The following EBPL variants were observed in gnomAD, a reference collection of about 807,000 sequenced individuals.
EBPL encodes the protein emopamil-binding protein-like.
A neutral mutation model predicts 19.0 loss-of-function variants in EBPL; 20 were observed. The observed-to-expected ratio is 1.05, with a 90% CI of 0.74 to 1.53. EBPL has a LOEUF of 1.53. EBPL is among the 40% of genes most tolerant of loss of function. The pLI, the probability that EBPL is intolerant of heterozygous loss-of-function variation, is 0.00. For missense variants in EBPL, 219 were observed against 261.1 expected (o/e 0.84, Z 1.11); for synonymous variants, 107 against 117.0 (o/e 0.91, Z 0.55).
chr13:49,665,981 G>T (rs183331024), intron 2 of EBPL, among the ~76,000 whole-genome samples: 5 of 152,342 alleles, frequency 3.3e-5, no homozygotes, highest in Middle Eastern at 3.4e-3. Flanking sequence ...GAGGGCTATG[G>T]TGATGGCTGA....
chr13:49,678,701 C>T (rs1218303264), intron 1 of EBPL, among the ~76,000 whole-genome samples: 4 of 152,054 alleles, frequency 2.6e-5, no homozygotes, highest in Non-Finnish European at 5.9e-5. Flanking sequence ...CCGCTCTGGC[C>T]GCGGCCAGCC....
At chr13:49,671,650 G>A (rs1953817689) in intron 1 of EBPL, among the ~76,000 whole-genome samples, 1 of 152,140 alleles carries the variant, frequency 6.6e-6, no homozygotes, top group Non-Finnish European at 1.5e-5. Context: ...CCACTGGGCT[G>A]GCCAGTGGGG....
rs1282013728 is a variant in EBPL, at chr13:49,668,035, G to C, written c.241+1742C>G. 2.0e-5 allele frequency: 3 copies of C among 152,450 alleles called. No homozygotes were observed. The East Asian group carries it at 5.8e-4, about 29-fold the overall frequency. The allele number at this position is 152,450 out of a possible 1,614,324, so 9.4% of individuals were successfully genotyped here. ...GGGCTTCACCAGCAATCCCCAGGCA[G>C]AGTTTAATGCAGCCAATCAAAAGTG... On this transcript the variant is annotated intron_variant, in intron 2 of 3. Coordinates refer to ENST00000242827, the MANE Select transcript of EBPL (RefSeq NM_032565.5).
At chr13:49,665,950 G>A (rs1434840025) in intron 2 of EBPL, among the ~76,000 whole-genome samples, 1 of 152,212 alleles carries the variant, frequency 6.6e-6, no homozygotes, top group Non-Finnish European at 1.5e-5. Flanking sequence ...TTCCCTGTTG[G>A]TGAGGGATGG....
intron 1 of EBPL, among the ~76,000 whole-genome samples, chr13:49,674,115 T>C (rs1016509639): frequency 6.6e-6 from 1 of 151,998 alleles, no homozygotes; most frequent in Admixed American, 6.6e-5. Context: ...AGAAAATAAC[T>C]TTTTCTTTTT....
At chr13:49,665,223 G>C (rs1965209617) in intron 2 of EBPL, among the ~76,000 whole-genome samples, 1 of 150,674 alleles carries the variant, frequency 6.6e-6, no homozygotes, top group African/African-American at 2.4e-5. Context: ...TGATTCTCCA[G>C]CCTCAGCCTC....
rs962566013 is a variant in EBPL, at chr13:49,661,720, G to T, written c.381-512C>A. The T allele has an allele frequency of 6.9e-6, 10 of 1,448,792 alleles. No individual in the cohort carries two copies. The African/African-American group carries it at 1.4e-4, about 21-fold the overall frequency. 89.7% of individuals were successfully genotyped at this position (1,448,792 alleles called of 1,614,324 possible). ...CACACGTAGTAAGTTTGCAACCAGC[G>T]TCATGGAGTGAAAAATACGTCAAGG... is the stretch of plus-strand genomic sequence containing the variant. On this transcript the variant is annotated intron_variant, in intron 3 of 3. Transcript: ENST00000242827.
At chr13:49,671,708 A>G (rs758100475) in intron 1 of EBPL, among the ~76,000 whole-genome samples, 1 of 152,136 alleles carries the variant, frequency 6.6e-6, no homozygotes, top group Non-Finnish European at 1.5e-5. Context: ...CAGGCCATCT[A>G]TCTGTAAGAT....
chr13:49,663,337 G>T, intron 2 of EBPL, 142 bp from the exon 3 acceptor site: 5 of 1,106,176 alleles, frequency 4.5e-6, no homozygotes, highest in Non-Finnish European at 6.5e-6. Context: ...TTAGTGGAAG[G>T]CAGGAGAAGC....
chr13:49,679,560 T>A (rs1383318108), intron 1 of EBPL, among the ~76,000 whole-genome samples: 2 of 152,290 alleles, frequency 1.3e-5, no homozygotes, highest in Non-Finnish European at 2.9e-5. Flanking sequence ...AATCCAGTGG[T>A]GTTATCACGG....
rs180871556 is a variant in EBPL at position 49,686,514 on chromosome 13, A to G, written c.171+4740T>C. ...CTTTTTTTTTAATGGTGCTACAGCA[A>G]TTTATCAGTGTTCTTGAAATTCCAT... On this transcript the variant is annotated intron_variant, in intron 1 of 3. Transcript: ENST00000242827. 60 of 1,289,318 alleles carry G rather than the reference A, an allele frequency of 4.7e-5. 1 individual carries two copies. In the African/African-American group the frequency reaches 7.8e-4, roughly 17 times the overall value. 79.9% of individuals were successfully genotyped at this position (1,289,318 alleles called of 1,614,324 possible). A position where few individuals can be genotyped will look rare whatever the true frequency, so the allele number is the denominator to read the frequency against.
chr13:49,663,886 C>G (rs1965185255), intron 2 of EBPL, among the ~76,000 whole-genome samples: 2 of 150,764 alleles, frequency 1.3e-5, no homozygotes, highest in South Asian at 4.2e-4. Context: ...GATTGCGCCA[C>G]TGCACTCCAG....
At chr13:49,664,041 C>T (rs1303868423) in intron 2 of EBPL, among the ~76,000 whole-genome samples, 2 of 152,224 alleles carry the variant, frequency 1.3e-5, no homozygotes, top group African/African-American at 2.4e-5. Flanking sequence ...CACTTGAAGT[C>T]AGGAGTTTGG....
intron 1 of EBPL, among the ~76,000 whole-genome samples, 156 bp downstream of exon 1, chr13:49,691,098 C>T (rs1195743477): frequency 2.0e-4 from 30 of 152,344 alleles, no homozygotes; most frequent in African/African-American, 6.7e-4. Context: ...CCGGCCGCCG[C>T]GGCCTCCAGG....
Position 49,691,468 on chromosome 13 carries a change from G to T in EBPL, c.-44C>A. The stretch of plus-strand genomic sequence containing the variant: ...CAACGGCCCAGGACCATGCGGCAGA[G>T]GAAAGCAGGGAGAGAAACGACGGGG... On this transcript the variant is annotated 5_prime_UTR_variant, in exon 1 of 4. Transcript: ENST00000242827. 7.8e-7 allele frequency: 1 copy of T among 1,287,816 alleles called. No homozygotes were observed. The highest frequency in any genetic ancestry group is 3.2e-5 in the South Asian group (1 of 31,408). 79.8% of individuals were successfully genotyped at this position (1,287,816 alleles called of 1,614,324 possible). A position where few individuals can be genotyped will look rare whatever the true frequency, so the allele number is the denominator to read the frequency against.
intron 1 of EBPL, among the ~76,000 whole-genome samples, chr13:49,687,200 G>C (rs995083136): frequency 2.0e-5 from 3 of 152,116 alleles, no homozygotes; most frequent in African/African-American, 7.2e-5. Context: ...ATGTTGCTCA[G>C]GGCCTAAGCC....
rs550625067 is a variant in EBPL, at chr13:49,678,250, T to G, written c.172-8404A>C. ...ACAGTTCTCCAAGTCCCCACTGGAC[T>G]CAGAAGCCCAGCTGGCTTCCCCTAG... On this transcript the variant is annotated intron_variant, in intron 1 of 3. Coordinates refer to ENST00000242827, the MANE Select transcript of EBPL (RefSeq NM_032565.5). Among the ~76,000 whole-genome samples the G allele has an allele frequency of 8.9e-4, 136 of 152,294 alleles. 1 individual carries two copies. Among genetic ancestry groups the G allele is most frequent in the Middle Eastern group, 6.8e-3 (2 of 294 alleles).
intron 3 of EBPL, among the ~76,000 whole-genome samples, chr13:49,662,401 G>A (rs1475176243): frequency 6.6e-6 from 1 of 152,106 alleles, no homozygotes; most frequent in Non-Finnish European, 1.5e-5. Context: ...TTTACTTTTT[G>A]TCAAGTGGGA....
intron 1 of EBPL, among the ~76,000 whole-genome samples, chr13:49,688,718 CAAA>C (rs56059575): frequency 0.41 from 39,084 of 94,598 alleles, 5,353 homozygotes; most frequent in Middle Eastern, 0.48. Context: ...GACTCCGTCT[CAAA>C]AAAAAAAAAA....
Sources: gnomAD v4.1 joint callset for allele counts (sites outside exome capture counted in the v4.1 genomes callset) on GRCh38, gnomAD v4.1.1 for gene constraint, MANE v1.5 for transcripts, NCBI Gene and HGNC (gene_info 2026-07-23, HGNC 2026-07-21) for gene names.